The following ANKRD11 variants were observed in gnomAD, a reference collection of about 807,000 sequenced individuals.
The protein encoded by ANKRD11 is ankyrin repeat domain 11.
In ANKRD11, 17 loss-of-function variants were observed where a neutral mutation model predicts 195.7. The ratio of observed to expected loss-of-function variants is 0.09; its 90% CI spans 0.06 to 0.13. The LOEUF is 0.13. Among genes scored for constraint, ANKRD11 ranks in the 10% least tolerant of loss-of-function variants. The pLI is 1.00. For missense variants in ANKRD11, 3,735 were observed against 3,566.1 expected, an observed-to-expected ratio of 1.05 and a Z score of -1.21; for synonymous variants, 1,953 against 1,528.1, an observed-to-expected ratio of 1.28 and a Z score of -6.49.
At chr16:89,428,399 G>A (rs908796751) in intron 1 of ANKRD11, among the ~76,000 whole-genome samples, 13 of 152,032 alleles carry the variant, frequency 8.6e-5, no homozygotes, top group Admixed American at 1.3e-4. Context: ...GGTGGCGGGC[G>A]CCTATAGTCC....
intron 2 of ANKRD11, among the ~76,000 whole-genome samples, chr16:89,381,354 A>AAAAAGGGG (rs1555560066): frequency 8.0e-6 from 1 of 125,346 alleles, no homozygotes; most frequent in African/African-American, 3.3e-5. Context: ...AAAAAAAAAA[A>AAAAAGGGG]GGGGTGAGAA....
chr16:89,454,103 G>T (rs1395471922), intron 1 of ANKRD11, among the ~76,000 whole-genome samples: 1 of 152,108 alleles, frequency 6.6e-6, no homozygotes, highest in Non-Finnish European at 1.5e-5. Context: ...CATCATGGGG[G>T]AGTGCTTCAC....
chr16:89,311,475 C>A (rs544888464), intron 3 of ANKRD11, among the ~76,000 whole-genome samples: 1 of 151,792 alleles, frequency 6.6e-6, no homozygotes, highest in Non-Finnish European at 1.5e-5. Context: ...TGAACCTCTA[C>A]GCTTACCTCA....
At chr16:89,403,278 C>G (rs773033739) in intron 2 of ANKRD11, among the ~76,000 whole-genome samples, 1 of 152,196 alleles carries the variant, frequency 6.6e-6, no homozygotes, top group Non-Finnish European at 1.5e-5. Context: ...CAGCCACGCA[C>G]ATGTTGTGAG....
intron 2 of ANKRD11, among the ~76,000 whole-genome samples, chr16:89,369,174 G>C (rs1057004384): frequency 6.6e-6 from 1 of 152,130 alleles, no homozygotes; most frequent in African/African-American, 2.4e-5. Flanking sequence ...CCAAACCCAA[G>C]AAGTTTTCCC....
At position 89,463,016 on chromosome 16, in the gene ANKRD11, C is replaced by G. The variant is rs977695919; in HGVS notation, c.-145+27229G>C. On this transcript the variant is annotated intron_variant, in intron 1 of 12. Transcript: ENST00000301030. ...GAGGGAGGTGGGGGGGTCAGCCCCC[C>G]GCCAGGCCAGCCGCCCCATCCGGGA... is the stretch of plus-strand genomic sequence containing the variant. 4.0e-5 allele frequency among the ~76,000 whole-genome samples: 6 copies of G among 150,550 alleles called. No individual in the cohort carries two copies. The South Asian group carries it at 8.4e-4, about 21-fold the overall frequency.
At chr16:89,397,681 C>A (rs2041504398) in intron 2 of ANKRD11, among the ~76,000 whole-genome samples, 2 of 152,234 alleles carry the variant, frequency 1.3e-5, no homozygotes, top group South Asian at 4.1e-4. Context: ...TTACAGTGTG[C>A]TTTTGTGGAT....
At chr16:89,384,391 C>T (rs1198262362) in intron 2 of ANKRD11, among the ~76,000 whole-genome samples, 2 of 151,964 alleles carry the variant, frequency 1.3e-5, no homozygotes, top group Non-Finnish European at 2.9e-5. Flanking sequence ...ATTAGCTAGG[C>T]GTAGTGGTGC....
At chr16:89,487,159 G>A (rs1016961744) in intron 1 of ANKRD11, among the ~76,000 whole-genome samples, 1 of 152,146 alleles carries the variant, frequency 6.6e-6, no homozygotes, top group African/African-American at 2.4e-5. Context: ...ACAGAGCACT[G>A]ACTACACAAG....
At chr16:89,384,525 G>C (rs1293944003) in intron 2 of ANKRD11, among the ~76,000 whole-genome samples, 2 of 129,592 alleles carry the variant, frequency 1.5e-5, no homozygotes, top group Non-Finnish European at 3.4e-5. Context: ...ACATGGAACA[G>C]GATGGGATGG....
At chr16:89,415,598 C>G (rs1160591899) in intron 2 of ANKRD11, among the ~76,000 whole-genome samples, 2 of 151,200 alleles carry the variant, frequency 1.3e-5, no homozygotes, top group Non-Finnish European at 2.9e-5. Flanking sequence ...ATTTTAATGC[C>G]AGATAAAACA....
Position 89,284,187 on chromosome 16 carries a change from G to A in ANKRD11, c.2355C>T (p.Asp785=), listed in dbSNP as rs2034483182. The A allele has an allele frequency of 3.7e-6, 6 of 1,606,274 alleles. No individual in the cohort carries two copies. The highest frequency in any genetic ancestry group is 5.1e-6 in the Non-Finnish European group (6 of 1,178,314). ...TCTTCTCCTTCTCTTTTGAAATTTTGTCCTCTTTTAAATCATTCTTCTTCT... is the reference window on the plus strand; with the variant it reads ...TCTTCTCCTTCTCTTTTGAAATTTTATCCTCTTTTAAATCATTCTTCTTCT... ...KLEKKNDLKE[D]KISKEKEKIF... Residue 785 remains aspartate, a synonymous_variant, in exon 9 of 13, where the codon GAC becomes GAT. Coordinates refer to ENST00000301030, the MANE Select transcript of ANKRD11 (RefSeq NM_013275.6).
Position 89,280,944 on chromosome 16 carries a change from G to A in ANKRD11, c.5598C>T (p.His1866=), listed in dbSNP as rs754231690. 1.9e-6 allele frequency: 3 copies of A among 1,582,754 alleles called. No individual in the cohort carries two copies. Among genetic ancestry groups the A allele is most frequent in the African/African-American group, 1.4e-5 (1 of 73,948 alleles). Residue 1866 remains histidine, a synonymous_variant, in exon 9 of 13, where the codon CAC becomes CAT. Coordinates refer to ENST00000301030, the MANE Select transcript of ANKRD11 (RefSeq NM_013275.6). ...CAGTGACAACGGCAGCCGGTGGGCA[G>A]TGCAAAGCGTCGACTTTGGGCGACG... ...GLPSPKVDAL[H]CPPAAVVTVT... is the part of the protein sequence containing the mutation.
At chr16:89,364,197 C>G (rs1338139430) in intron 2 of ANKRD11, among the ~76,000 whole-genome samples, 1 of 152,214 alleles carries the variant, frequency 6.6e-6, no homozygotes, top group East Asian at 1.9e-4. Flanking sequence ...CCTGCCACTT[C>G]CACCTGTGCC....
intron 2 of ANKRD11, among the ~76,000 whole-genome samples, chr16:89,388,293 A>ATTTTTTTTC (rs2041016933): frequency 3.5e-5 from 3 of 85,266 alleles, no homozygotes; most frequent in Admixed American, 3.2e-4. Flanking sequence ...CATGAGGCTG[A>ATTTTTTTTC]TTTTTTTTTT....
chr16:89,287,149 CGGAG>C, intron 7 of ANKRD11: 1 of 1,281,182 alleles, frequency 7.8e-7, no homozygotes. Flanking sequence ...AGGGCTGGGA[CGGAG>C]GTCCCCAGTC....
intron 4 of ANKRD11, among the ~76,000 whole-genome samples, chr16:89,294,903 G>C (rs1437728343): frequency 6.6e-6 from 1 of 152,176 alleles, no homozygotes; most frequent in Non-Finnish European, 1.5e-5. Context: ...GGAGGCGCGG[G>C]GTGTTGTCTG....
chr16:89,409,984 C>G (rs1281141362), intron 2 of ANKRD11, among the ~76,000 whole-genome samples: 2 of 152,058 alleles, frequency 1.3e-5, no homozygotes. Context: ...GGACTACAGG[C>G]GCCCGCCACC....
intron 3 of ANKRD11, among the ~76,000 whole-genome samples, chr16:89,314,361 G>A (rs896639526): frequency 3.9e-5 from 6 of 152,180 alleles, no homozygotes; most frequent in Non-Finnish European, 7.3e-5. Flanking sequence ...ATCCCTCACA[G>A]CACACGTGTG....
Sources: gnomAD v4.1 joint callset for allele counts (sites outside exome capture counted in the v4.1 genomes callset) on GRCh38, gnomAD v4.1.1 for gene constraint, MANE v1.5 for transcripts, NCBI Gene and HGNC (gene_info 2026-07-23, HGNC 2026-07-21) for gene names.